The following ASPG variants were observed in gnomAD, a reference collection of about 807,000 sequenced individuals.
ASPG encodes the protein 60 kDa lysophospholipase.
In ASPG, 53 loss-of-function variants were observed where a neutral mutation model predicts 63.2. The ratio of observed to expected loss-of-function variants is 0.84; its 90% CI spans 0.67 to 1.05. The LOEUF (loss-of-function observed/expected upper bound fraction) is 1.05. ASPG is among the 50% of genes least tolerant of loss of function. ASPG has a pLI of 0.00. For synonymous variants in ASPG, 370 were observed against 355.0 expected, an observed-to-expected ratio of 1.04 and a Z score of -0.48; for missense variants, 741 against 794.4, an observed-to-expected ratio of 0.93 and a Z score of 0.81.
rs545465208 is a variant in ASPG at position 104,109,122 on chromosome 14, C to G, written c.1434-107C>G. On this transcript the variant is annotated intron_variant, in intron 12 of 15. Transcript: ENST00000551177. This position sits in a 1 kb window ranked among gnomAD's most constrained non-coding sequence, Gnocchi z 4.8. ...TAGGGCTGTGGGGTCTTGGGCCGGC[C>G]GGTCCCCGTCCCTGTGCACAGGACA... is the stretch of plus-strand genomic sequence containing the variant. 404 of 1,530,384 alleles carry G rather than the reference C, an allele frequency of 2.6e-4. 1 individual carries two copies. The East Asian group carries it at 9.0e-3, about 34-fold the overall frequency. The allele number at this position is 1,530,384 out of a possible 1,614,324, so 94.8% of individuals were successfully genotyped here. A position where few individuals can be genotyped will look rare whatever the true frequency, so the allele number is the denominator to read the frequency against.
At chr14:104,094,989 G>C (rs2036533051) in intron 3 of ASPG, among the ~76,000 whole-genome samples, 1 of 152,146 alleles carries the variant, frequency 6.6e-6, no homozygotes, top group Admixed American at 6.5e-5. Flanking sequence ...CCACCCTCCA[G>C]GGGGTGGTGG....
At chr14:104,112,098 C>T (rs994115899) in intron 15 of ASPG, 98 bp downstream of exon 15, 14 of 1,190,904 alleles carry the variant, frequency 1.2e-5, no homozygotes, top group Non-Finnish European at 1.5e-5. Flanking sequence ...GGAACAGAAC[C>T]GGAGGAGGCT....
chr14:104,103,348 C>T (rs551710084), intron 6 of ASPG, among the ~76,000 whole-genome samples: 3 of 152,268 alleles, frequency 2.0e-5, no homozygotes, highest in Admixed American at 6.5e-5. Context: ...CCCACAGCCC[C>T]GTGCACGCTG....
At position 104,110,410 on chromosome 14, in the gene ASPG, C is replaced by T. The variant is rs79086813; in HGVS notation, c.1521-1092C>T. On this transcript the variant is annotated intron_variant, in intron 13 of 15. Coordinates refer to ENST00000551177, the MANE Select transcript of ASPG (RefSeq NM_001080464.3). The surrounding 1 kb of genome is among the most constrained non-coding windows in gnomAD (Gnocchi z 4.7). ...GGTCAAGATTTGCACTCCAGACAGGCCTTGCTGGCTCCATTGACAGATGGG... is the reference window on the plus strand; with the variant it reads ...GGTCAAGATTTGCACTCCAGACAGGTCTTGCTGGCTCCATTGACAGATGGG... The T allele has an allele frequency of 2.0e-6, 2 of 985,210 alleles. No homozygotes were observed. Among genetic ancestry groups the T allele is most frequent in the African/African-American group, 3.5e-5 (2 of 57,212 alleles). The allele number at this position is 985,210 out of a possible 1,614,324, so 61.0% of individuals were successfully genotyped here. A position where few individuals can be genotyped will look rare whatever the true frequency, so the allele number is the denominator to read the frequency against.
rs1159569089 is a variant in ASPG, at chr14:104,104,645, C to T, written c.960C>T (p.Ile320=). Residue 320 remains isoleucine, a synonymous_variant, in exon 9 of 16, where the codon ATC becomes ATT. Transcript: ENST00000551177. ...AGMAMAGAGV[I]SGFDMTSEAA... ...AGGCCATGGCGGGAGCCGGCGTCAT[C>T]TCAGGCTTCGACATGACATCGGAGG... is the stretch of plus-strand genomic sequence containing the variant. The T allele has an allele frequency of 1.2e-6, 2 of 1,610,636 alleles. No homozygotes were observed. The highest frequency in any genetic ancestry group is 1.7e-6 in the Non-Finnish European group (2 of 1,178,680).
In ASPG at chr14:104,097,134, G is replaced by T. The variant is rs990655035; in HGVS notation, c.430-420G>T. ...CTGGGCAGGGCAGCTGCGGTGGGAG[G>T]CCTGTGATGCGTTCTCCAGTATGGG... On this transcript the variant is annotated intron_variant, in intron 4 of 15. Coordinates refer to ENST00000551177, the MANE Select transcript of ASPG (RefSeq NM_001080464.3). 1.2e-3 allele frequency among the ~76,000 whole-genome samples: 189 copies of T among 152,212 alleles called. 2 individuals are homozygous for T. Among genetic ancestry groups the T allele is most frequent in the African/African-American group, 4.2e-3 (175 of 41,522 alleles).
chr14:104,089,017 TTTTA>T (rs1367747361), intron 1 of ASPG, among the ~76,000 whole-genome samples: 2 of 152,088 alleles, frequency 1.3e-5, no homozygotes, highest in African/African-American at 4.8e-5. Flanking sequence ...TTTGTTTATT[TTTTA>T]TTTATTTTTA....
chr14:104,095,388 A>T, intron 3 of ASPG, 143 bp from the exon 4 acceptor site: 1 of 1,191,212 alleles, frequency 8.4e-7, no homozygotes, highest in Non-Finnish European at 1.2e-6. Context: ...CTAATCTTCC[A>T]GAGAGGGACT....
rs761029389 is a variant in ASPG, at chr14:104,107,279, G to T, written c.1367G>T (p.Arg456Ile). 6.2e-7 allele frequency: 1 copy of T among 1,609,250 alleles called. No individual in the cohort carries two copies. The highest frequency in any genetic ancestry group is 1.1e-5 in the South Asian group (1 of 90,716). The change falls in exon 12 of 16, where the codon AGA becomes ATA. Residue 456 changes from arginine to isoleucine, a missense_variant. By Grantham distance (97) the Arg-to-Ile change is moderately conservative. Transcript: ENST00000551177. ...HTEAVTMLLQ[R>I]GVDVNTRDTD... Reference sequence around the variant, plus strand: ...GAGGCAGTCACCATGCTGCTGCAGAGAGGTGTGGACGTGAACACCCGGGAC... The same window carrying T: ...GAGGCAGTCACCATGCTGCTGCAGATAGGTGTGGACGTGAACACCCGGGAC...
rs575864549 is a variant in ASPG, at chr14:104,111,931, C to T, written c.1632C>T (p.Ala544=). ...CTGCTTCCCCATAGGCAGAGGCAGC[C>T]GGGAACCTGGCAGTGGTGGCCTTTC... ...GHSALHVAEA[A]GNLAVVAFLQ... Residue 544 remains alanine (A), a synonymous_variant, in exon 15 of 16, where the codon GCC becomes GCT. Coordinates refer to ENST00000551177, the MANE Select transcript of ASPG (RefSeq NM_001080464.3). 24 of 1,555,042 alleles carry T rather than the reference C, an allele frequency of 1.5e-5. No homozygotes were observed. The highest frequency in any genetic ancestry group is 1.1e-4 in the South Asian group (9 of 84,188).
In ASPG at chr14:104,109,312, G is replaced by A; in HGVS notation, c.1517G>A (p.Cys506Tyr). The change falls in exon 13 of 16, where the codon TGC becomes TAC. Residue 506 changes from cysteine to tyrosine, a missense_variant. Cys to Tyr is a radical substitution (Grantham distance 194). Transcript: ENST00000551177. The surrounding 1 kb of genome is among the most constrained non-coding windows in gnomAD (Gnocchi z 4.8). ...QELEEAGTEL[C>Y]RLAYRADLEG... ...CTGGAGGAAGCAGGGACGGAGCTGT[G>A]CAGGTGAGTGCAGCTAGAGCACCTG... 6.2e-7 allele frequency: 1 copy of A among 1,607,896 alleles called. No individual in the cohort carries two copies. The highest frequency in any genetic ancestry group is 8.5e-7 in the Non-Finnish European group (1 of 1,177,472).
At chr14:104,099,755 C>T (rs1344347013) in intron 6 of ASPG, among the ~76,000 whole-genome samples, 1 of 152,240 alleles carries the variant, frequency 6.6e-6, no homozygotes, top group Non-Finnish European at 1.5e-5. Context: ...TCCTGCCTGC[C>T]CTGGCCCCCT....
At position 104,110,727 on chromosome 14, in the gene ASPG, G is replaced by T. The variant is rs921353948; in HGVS notation, c.1521-775G>T. 1.0e-6 allele frequency: 1 copy of T among 985,190 alleles called. No individual in the cohort carries two copies. Among genetic ancestry groups the T allele is most frequent in the African/African-American group, 1.7e-5 (1 of 57,218 alleles). The allele number at this position is 985,190 out of a possible 1,614,324, so 61.0% of individuals were successfully genotyped here. ...TAAGGGCCCTCCAGAGGAGGGGGCAGCCCCTTCCTCACCAGGCCACTTCCC... is the reference window on the plus strand; with the variant it reads ...TAAGGGCCCTCCAGAGGAGGGGGCATCCCCTTCCTCACCAGGCCACTTCCC... On this transcript the variant is annotated intron_variant, in intron 13 of 15. Transcript: ENST00000551177. The surrounding 1 kb of genome is among the most constrained non-coding windows in gnomAD (Gnocchi z 4.7).
At position 104,093,151 on chromosome 14, in the gene ASPG, C is replaced by T. The variant is rs530786795; in HGVS notation, c.192-340C>T. 1.6e-4 allele frequency: 80 copies of T among 497,762 alleles called. No homozygotes were observed. In the East Asian group the frequency reaches 1.9e-3, roughly 12 times the overall value. 30.8% of individuals were successfully genotyped at this position (497,762 alleles called of 1,614,324 possible). ...CTGGGGGTGAGCTGGGAGTTGCCCTCGTGGTGGCTGACCACCACAGCCGCC... is the reference window on the plus strand; with the variant it reads ...CTGGGGGTGAGCTGGGAGTTGCCCTTGTGGTGGCTGACCACCACAGCCGCC... On this transcript the variant is annotated intron_variant, in intron 2 of 15. Coordinates refer to ENST00000551177, the MANE Select transcript of ASPG (RefSeq NM_001080464.3).
Position 104,103,549 on chromosome 14 carries a change from T to C in ASPG, c.641-14T>C, listed in dbSNP as rs1261678238. Reference sequence around the variant, plus strand: ...AGGCCTGAAGGCACCACACAGGCCCTTCCCTGTCCTCAGTCAACAGGGAGC... The same window carrying C: ...AGGCCTGAAGGCACCACACAGGCCCCTCCCTGTCCTCAGTCAACAGGGAGC... On this transcript the variant is annotated splice_polypyrimidine_tract_variant and intron_variant, in intron 6 of 15. Transcript: ENST00000551177. 6.5e-7 allele frequency: 1 copy of C among 1,545,858 alleles called. No homozygotes were observed. Among genetic ancestry groups the C allele is most frequent in the Non-Finnish European group, 8.7e-7 (1 of 1,145,042 alleles).
In ASPG at chr14:104,104,314, T is replaced by C; in HGVS notation, c.764T>C (p.Phe255Ser). 1 of 1,611,600 alleles carries C rather than the reference T, an allele frequency of 6.2e-7. No homozygotes were observed. Among genetic ancestry groups the C allele is most frequent in the Non-Finnish European group, 8.5e-7 (1 of 1,179,110 alleles). Reference sequence around the variant, plus strand: ...CCCACCGCCCCACAGGTTCGGGCCTTCTTGCAGCCTCCCCTGAAGGGCGTG... The same window carrying C: ...CCCACCGCCCCACAGGTTCGGGCCTCCTTGCAGCCTCCCCTGAAGGGCGTG... ...PGIPAALVRAFLQPPLKGVVM... is the reference protein window; with the variant it reads ...PGIPAALVRASLQPPLKGVVM... The change falls in exon 8 of 16, where the codon TTC (phenylalanine) becomes TCC (serine). Residue 255 changes from phenylalanine to serine, a missense_variant. Transcript: ENST00000551177.
rs1216171409 is a variant in ASPG at position 104,110,610 on chromosome 14, G to A, written c.1521-892G>A. 1.0e-6 allele frequency: 1 copy of A among 985,210 alleles called. No individual in the cohort carries two copies. Among genetic ancestry groups the A allele is most frequent in the African/African-American group, 1.7e-5 (1 of 57,224 alleles). The allele number at this position is 985,210 out of a possible 1,614,324, so 61.0% of individuals were successfully genotyped here. A position where few individuals can be genotyped will look rare whatever the true frequency, so the allele number is the denominator to read the frequency against. On this transcript the variant is annotated intron_variant, in intron 13 of 15. Coordinates refer to ENST00000551177, the MANE Select transcript of ASPG (RefSeq NM_001080464.3). This position sits in a 1 kb window ranked among gnomAD's most constrained non-coding sequence, Gnocchi z 4.7. ...TTGGCCTCTTGGAGCAGGTCCAGGA[G>A]GGGCCAGTGAGGCCATCCAGCAGAT...
intron 12 of ASPG, chr14:104,108,549 G>A (rs1440533556): frequency 1.0e-6 from 1 of 985,296 alleles, no homozygotes; most frequent in Admixed American, 6.1e-5. Context: ...ATGGGGTGAT[G>A]GGGGGATCTG....
At position 104,098,927 on chromosome 14, in the gene ASPG, T is replaced by C; in HGVS notation, c.588T>C (p.Ala196=). ...AGGTAGACGCTCGGAGGTTCGCAGC[T>C]TTCTGCTCCCCGAACCTGCTGCCTC... The part of the protein sequence containing the change: ...ATKVDARRFA[A]FCSPNLLPLA... Residue 196 remains alanine (A), a synonymous_variant, in exon 6 of 16, where the codon GCT becomes GCC. Transcript: ENST00000551177. The C allele has an allele frequency of 6.2e-7, 1 of 1,608,512 alleles. No individual in the cohort carries two copies.
Sources: allele counts gnomAD v4.1 joint callset (sites outside exome capture counted in the v4.1 genomes callset), GRCh38; gene constraint gnomAD v4.1.1; non-coding constraint Gnocchi (gnomAD v3.1); transcripts MANE v1.5; gene names NCBI Gene and HGNC (gene_info 2026-07-23, HGNC 2026-07-21).